The following PPME1 variants were observed in gnomAD, a reference collection of about 807,000 sequenced individuals.
PPME1 encodes the protein protein phosphatase methylesterase 1.
PPME1 carries 17 observed loss-of-function variants against 56.9 expected under a neutral mutation model. The observed-to-expected ratio is 0.30, with a 90% CI of 0.20 to 0.45. PPME1 has a LOEUF of 0.45. Ranked by LOEUF, PPME1 falls within the 20% of genes least tolerant of loss-of-function variation. The pLI is 1.00. For synonymous variants in PPME1, 122 were observed against 156.2 expected (o/e 0.78, Z 1.63); for missense variants, 357 against 483.2 (o/e 0.74, Z 2.45).
intron 8 of PPME1, 26 bp from the exon 9 acceptor site, chr11:74,239,107 A>G: frequency 6.2e-7 from 1 of 1,605,052 alleles, no homozygotes; most frequent in African/African-American, 1.3e-5. Flanking sequence ...AGAGGTGTGT[A>G]ATAGCACTTT....
chr11:74,196,490 CATATCCCCCATTGAAT>C (rs1857984910), intron 1 of PPME1, among the ~76,000 whole-genome samples: 1 of 152,180 alleles, frequency 6.6e-6, no homozygotes, highest in Admixed American at 6.5e-5. Context: ...GTCCCAATAT[CATATCCCCCATTGAAT>C]TTATCTTGGC....
At chr11:74,227,992 A>G (rs1858972381) in intron 5 of PPME1, among the ~76,000 whole-genome samples, 1 of 152,102 alleles carries the variant, frequency 6.6e-6, no homozygotes, top group Admixed American at 6.6e-5. Context: ...TTTTAAGGTG[A>G]CTTGGACTTA....
At chr11:74,241,308 G>A (rs1241241992) in intron 9 of PPME1, among the ~76,000 whole-genome samples, 3 of 152,182 alleles carry the variant, frequency 2.0e-5, no homozygotes, top group African/African-American at 4.8e-5. Flanking sequence ...ATTGTAGCAC[G>A]TATCAAATAC....
chr11:74,203,085 G>A (rs1263209993), intron 1 of PPME1, among the ~76,000 whole-genome samples: 1 of 151,978 alleles, frequency 6.6e-6, no homozygotes, highest in Admixed American at 6.5e-5. Flanking sequence ...CCTATTGATG[G>A]ATATTAGATT....
intron 3 of PPME1, among the ~76,000 whole-genome samples, chr11:74,218,002 G>C (rs1858702182): frequency 6.6e-6 from 1 of 152,136 alleles, no homozygotes; most frequent in African/African-American, 2.4e-5. Context: ...CTGTTTTGCA[G>C]ATGATATGAA....
chr11:74,187,170 G>A (rs551112927), intron 1 of PPME1, among the ~76,000 whole-genome samples: 38 of 152,132 alleles, frequency 2.5e-4, no homozygotes, highest in South Asian at 2.1e-3. Context: ...AGTAAGTTTC[G>A]AAATCAGGAA....
At chr11:74,173,009 C>A (rs1857315948) in intron 1 of PPME1, among the ~76,000 whole-genome samples, 1 of 151,910 alleles carries the variant, frequency 6.6e-6, no homozygotes, top group African/African-American at 2.4e-5. Flanking sequence ...GGTGGAAAAA[C>A]CAGGGAAGGA....
rs770657500 is a variant in PPME1, at chr11:74,231,007, CCAA to C, written c.644+9_644+11del. On this transcript the variant is annotated splice_donor_region_variant and intron_variant, in intron 7 of 13. Coordinates refer to ENST00000328257, the MANE Select transcript of PPME1 (RefSeq NM_016147.3). ...GGAGAATGCTATTGAATGGAGGTAA[CCAA>C]CAAATCTTTGTCGCCTTTATTTAAT... 29 of 1,577,120 alleles carry C rather than the reference CCAA, an allele frequency of 1.8e-5. No homozygotes were observed. Among genetic ancestry groups the C allele is most frequent in the Non-Finnish European group, 2.3e-5 (27 of 1,155,872 alleles).
At chr11:74,219,987 ATT>A (rs1858755333) in intron 3 of PPME1, among the ~76,000 whole-genome samples, 1 of 152,116 alleles carries the variant, frequency 6.6e-6, no homozygotes, top group South Asian at 2.1e-4. Context: ...ATGGTTATGC[ATT>A]GTTTGCCTGT....
chr11:74,221,349 A>G (rs1378460501), intron 3 of PPME1, among the ~76,000 whole-genome samples: 2 of 152,180 alleles, frequency 1.3e-5, no homozygotes, highest in Non-Finnish European at 2.9e-5. Context: ...AGCAAAGTAT[A>G]GTAGAATTTC....
intron 1 of PPME1, among the ~76,000 whole-genome samples, chr11:74,182,517 G>A (rs544447982): frequency 1.5e-4 from 22 of 146,268 alleles, no homozygotes; most frequent in Non-Finnish European, 2.5e-4. Flanking sequence ...GTGCCACCAC[G>A]CCTGGCTAAT....
At chr11:74,176,872 A>C (rs889500440) in intron 1 of PPME1, among the ~76,000 whole-genome samples, 5 of 151,732 alleles carry the variant, frequency 3.3e-5, no homozygotes, top group African/African-American at 1.2e-4. Flanking sequence ...CTGGGATTAC[A>C]GGCATGCACC....
In PPME1 at chr11:74,239,268, CAT is replaced by C; in HGVS notation, c.834+13_834+14del. ...AAGATGACATGGAGGTGGGTAAAAA[CAT>C]TCATTCTTGAAAAGATGCGGTATGG... On this transcript the variant is annotated intron_variant, in intron 9 of 13. Coordinates refer to ENST00000328257, the MANE Select transcript of PPME1 (RefSeq NM_016147.3). 6.2e-7 allele frequency: 1 copy of C among 1,610,300 alleles called. No individual in the cohort carries two copies. The highest frequency in any genetic ancestry group is 8.5e-7 in the Non-Finnish European group (1 of 1,178,580).
chr11:74,251,047 G>T (rs1434942328), intron 12 of PPME1, 29 bp downstream of exon 12: 1 of 1,570,470 alleles, frequency 6.4e-7, no homozygotes, highest in Non-Finnish European at 8.6e-7. Flanking sequence ...GACTGTAAAA[G>T]GACAACTGTG....
At chr11:74,205,379 A>G (rs1858301294) in intron 3 of PPME1, 1 of 152,212 alleles carries the variant, frequency 6.6e-6, no homozygotes, top group Non-Finnish European at 1.5e-5. Context: ...GATACTGCTA[A>G]GGAAGATACT....
intron 8 of PPME1, 80 bp downstream of exon 8, chr11:74,236,046 C>T (rs980556211): frequency 1.3e-6 from 2 of 1,547,470 alleles, no homozygotes; most frequent in Admixed American, 3.9e-5. Context: ...TTTTGTCTTA[C>T]ACCAATTCTA....
At chr11:74,239,992 T>C (rs1323122683) in intron 9 of PPME1, among the ~76,000 whole-genome samples, 1 of 144,130 alleles carries the variant, frequency 6.9e-6, no homozygotes, top group Admixed American at 6.9e-5. Context: ...TGAGACTGGG[T>C]TTTGCTATGT....
At chr11:74,216,948 A>G (rs537853155) in intron 3 of PPME1, among the ~76,000 whole-genome samples, 8 of 152,308 alleles carry the variant, frequency 5.3e-5, no homozygotes, top group Non-Finnish European at 1.0e-4. Context: ...GAACAGACCA[A>G]TAACAAGTAA....
chr11:74,183,014 C>T (rs1232544991), intron 1 of PPME1, among the ~76,000 whole-genome samples: 6 of 147,152 alleles, frequency 4.1e-5, no homozygotes, highest in Non-Finnish European at 7.5e-5. Flanking sequence ...AAAAAAAGTA[C>T]GGGCTGGTGC....
Sources: gnomAD v4.1 joint callset for allele counts (sites outside exome capture counted in the v4.1 genomes callset) on GRCh38, gnomAD v4.1.1 for gene constraint, MANE v1.5 for transcripts, NCBI Gene and HGNC (gene_info 2026-07-23, HGNC 2026-07-21) for gene names.